PCCA: variants seen among roughly 807,000 people sequenced by gnomAD.
PCCA encodes propionyl-CoA carboxylase subunit alpha, also known as propionyl-CoA carboxylase alpha chain, mitochondrial.
In PCCA, 74 loss-of-function variants were observed where a neutral mutation model predicts 101.3. That is an observed-to-expected ratio of 0.73 (90% CI 0.61 to 0.89). The LOEUF (loss-of-function observed/expected upper bound fraction) is 0.89. Among genes scored for constraint, PCCA ranks in the 40% least tolerant of loss-of-function variants. PCCA has a pLI of 0.00. For synonymous variants in PCCA, 294 were observed against 313.6 expected (o/e 0.94, Z 0.66); for missense variants, 891 against 907.0 (o/e 0.98, Z 0.23).
intron 15 of PCCA, among the ~76,000 whole-genome samples, chr13:100,308,490 A>AT (rs1008666362): frequency 3.1e-4 from 47 of 151,648 alleles, no homozygotes; most frequent in Non-Finnish European, 5.0e-4. Context: ...ATGCAGGGCT[A>AT]TTTTTTTATA....
At chr13:100,151,009 C>T (rs986347305) in intron 4 of PCCA, 47 of 1,538,570 alleles carry the variant, frequency 3.1e-5, no homozygotes, top group Non-Finnish European at 4.0e-5. Flanking sequence ...GCTGGCGGTA[C>T]TGCCAGCAGC....
chr13:100,400,835 A>C (rs1474439409), intron 19 of PCCA, among the ~76,000 whole-genome samples: 3 of 151,950 alleles, frequency 2.0e-5, no homozygotes, highest in African/African-American at 7.3e-5. Flanking sequence ...CATGTTGGCC[A>C]GGATGGTTTC....
chr13:100,099,792 A>C (rs1271205810), intron 1 of PCCA, among the ~76,000 whole-genome samples: 1 of 152,126 alleles, frequency 6.6e-6, no homozygotes, highest in Non-Finnish European at 1.5e-5. Flanking sequence ...TGTGCTAGCC[A>C]TGTTAGACAT....
At chr13:100,304,424 G>A (rs577046713) in intron 14 of PCCA, among the ~76,000 whole-genome samples, 3 of 152,276 alleles carry the variant, frequency 2.0e-5, no homozygotes, top group South Asian at 2.1e-4. Context: ...CAGTAGATGC[G>A]TTGACAGCTG....
At chr13:100,152,637 G>C (rs910498650) in intron 4 of PCCA, among the ~76,000 whole-genome samples, 2 of 151,652 alleles carry the variant, frequency 1.3e-5, no homozygotes, top group Admixed American at 6.6e-5. Flanking sequence ...TAGTAGAAAC[G>C]GGGTTTCACC....
chr13:100,396,180 G>A (rs1047142805), intron 19 of PCCA, among the ~76,000 whole-genome samples: 1 of 152,186 alleles, frequency 6.6e-6, no homozygotes, highest in African/African-American at 2.4e-5. Flanking sequence ...TGCAGCAGTG[G>A]TGTTTACCTG....
chr13:100,264,252 T>C (rs577646983), intron 10 of PCCA, among the ~76,000 whole-genome samples: 10 of 150,082 alleles, frequency 6.7e-5, no homozygotes, highest in African/African-American at 2.4e-4. Context: ...CATATATATG[T>C]GATATCTGTA....
intron 12 of PCCA, among the ~76,000 whole-genome samples, chr13:100,298,353 T>G (rs918454747): frequency 2.0e-5 from 3 of 151,678 alleles, no homozygotes; most frequent in Non-Finnish European, 4.4e-5. Context: ...ATGACAAGAG[T>G]CTTTCCTAAA....
intron 7 of PCCA, among the ~76,000 whole-genome samples, chr13:100,227,151 T>G (rs1207008486): frequency 6.6e-6 from 1 of 152,138 alleles, no homozygotes; most frequent in Non-Finnish European, 1.5e-5. Flanking sequence ...TTTTTGTTTT[T>G]TTTTTGGTAG....
intron 19 of PCCA, among the ~76,000 whole-genome samples, chr13:100,382,092 C>A (rs1425493837): frequency 6.6e-6 from 1 of 152,228 alleles, no homozygotes; most frequent in African/African-American, 2.4e-5. Flanking sequence ...GCGTAACAAC[C>A]TTTTGTATCC....
chr13:100,111,815 A>T, intron 2 of PCCA, 26 bp from the exon 3 acceptor site: 1 of 1,542,106 alleles, frequency 6.5e-7, no homozygotes, highest in Non-Finnish European at 8.9e-7. Flanking sequence ...AACAATTTCT[A>T]ATGAATGTGT....
chr13:100,240,505 T>A (rs960181809), intron 8 of PCCA, among the ~76,000 whole-genome samples: 2 of 152,104 alleles, frequency 1.3e-5, no homozygotes, highest in Admixed American at 6.6e-5. Context: ...CAAGAGAAGA[T>A]TCTCTAATAC....
intron 2 of PCCA, among the ~76,000 whole-genome samples, chr13:100,106,634 C>T (rs560054367): frequency 3.3e-5 from 5 of 152,112 alleles, no homozygotes; most frequent in South Asian, 4.1e-4. Flanking sequence ...AGGCTGGTCT[C>T]GAACTCCTGA....
Position 100,150,274 on chromosome 13 carries a change from C to T in PCCA, c.301-4705C>T, listed in dbSNP as rs146116462. ...GTCTTGAACCCCTGACCTTGTGATCCACCCGCCTCGGCCTCCCAAAGTGCT... is the reference window on the plus strand; with the variant it reads ...GTCTTGAACCCCTGACCTTGTGATCTACCCGCCTCGGCCTCCCAAAGTGCT... On this transcript the variant is annotated intron_variant, in intron 4 of 23. Coordinates refer to ENST00000376285, the MANE Select transcript of PCCA (RefSeq NM_000282.4). 1.4e-3 allele frequency among the ~76,000 whole-genome samples: 213 copies of T among 152,220 alleles called. 1 individual carries two copies. Among genetic ancestry groups the T allele is most frequent in the African/African-American group, 5.0e-3 (206 of 41,546 alleles).
At chr13:100,515,375 A>C in intron 21 of PCCA, 52 bp from the exon 22 acceptor site, 1 of 1,553,682 alleles carries the variant, frequency 6.4e-7, no homozygotes, top group South Asian at 1.1e-5. Flanking sequence ...GCTACTTTTG[A>C]GGAAAATTTC....
chr13:100,201,792 G>A (rs1004956406), intron 6 of PCCA, among the ~76,000 whole-genome samples: 6 of 148,286 alleles, frequency 4.0e-5, no homozygotes, highest in Non-Finnish European at 8.9e-5. Context: ...GGGAGCTGGA[G>A]GTTGCAGTGA....
intron 9 of PCCA, among the ~76,000 whole-genome samples, chr13:100,258,693 T>C (rs542175811): frequency 2.0e-5 from 3 of 152,210 alleles, no homozygotes; most frequent in Non-Finnish European, 4.4e-5. Context: ...CTGCTGTTGA[T>C]TTATAAATTT....
At chr13:100,242,893 G>A (rs571982913) in intron 8 of PCCA, among the ~76,000 whole-genome samples, 2 of 151,916 alleles carry the variant, frequency 1.3e-5, no homozygotes, top group African/African-American at 4.8e-5. Flanking sequence ...TAAAATTTTT[G>A]TTGTGGTGGT....
chr13:100,321,009 G>T (rs1445701652), intron 16 of PCCA, among the ~76,000 whole-genome samples: 1 of 151,348 alleles, frequency 6.6e-6, no homozygotes, highest in African/African-American at 2.4e-5. Context: ...GCCTCCCAAA[G>T]GGCTGGGATT....
Sources: gnomAD v4.1 joint callset for allele counts (sites outside exome capture counted in the v4.1 genomes callset) on GRCh38, gnomAD v4.1.1 for gene constraint, MANE v1.5 for transcripts, NCBI Gene and HGNC (gene_info 2026-07-23, HGNC 2026-07-21) for gene names.